Variants in MINAR1 observed in about 807,000 individuals in gnomAD.
MINAR1 encodes major intrinsically disordered Notch2-binding receptor 1.
Under a neutral mutation model 65.1 loss-of-function variants are expected in MINAR1, and 40 were observed. The ratio of observed to expected loss-of-function variants is 0.61; its 90% CI spans 0.48 to 0.80. The LOEUF is 0.80. Among genes scored for constraint, MINAR1 ranks in the 30% least tolerant of loss-of-function variants. The probability of loss-of-function intolerance (pLI) is 0.00; values close to 1 mark genes in which losing one functional copy is unlikely to be tolerated. For synonymous variants in MINAR1, 482 were observed against 449.1 expected (o/e 1.07, Z -0.93); for missense variants, 1,128 against 1,148.0 (o/e 0.98, Z 0.25).
intron 1 of MINAR1, 67 bp from the exon 2 acceptor site, chr15:79,456,031 G>C (rs1429080911): frequency 1.1e-6 from 1 of 924,850 alleles, no homozygotes; most frequent in Admixed American, 2.7e-5. Flanking sequence ...TAAGGAGCTT[G>C]ACTTCAAACT....
At position 79,463,288 on chromosome 15, in the gene MINAR1, C is replaced by A. The variant is rs144425164; in HGVS notation, c.2520C>A (p.Gly840=). Residue 840 remains glycine, a synonymous_variant, in exon 3 of 4, where the codon GGC becomes GGA. Transcript: ENST00000305428. ...WTIEEYARNA[G]DKGKLTALDL... is the part of the protein sequence containing the mutation. ...TTGAGGAGTATGCACGGAATGCGGGCGACAAGGGCAAGCTGACAGCCCTGG... is the reference window on the plus strand; with the variant it reads ...TTGAGGAGTATGCACGGAATGCGGGAGACAAGGGCAAGCTGACAGCCCTGG... 1 of 1,614,114 alleles carries A rather than the reference C, an allele frequency of 6.2e-7. No homozygotes were observed. Among genetic ancestry groups the A allele is most frequent in the South Asian group, 1.1e-5 (1 of 91,080 alleles).
chr15:79,427,995 C>T (rs950153003), upstream of MINAR1, among the ~76,000 whole-genome samples: 12 of 152,152 alleles, frequency 7.9e-5, no homozygotes, highest in Non-Finnish European at 1.8e-4. Context: ...GCCGTTTTGT[C>T]GGCCAGCAAA....
the MINAR1 span, chr15:79,425,858 C>G: frequency 6.6e-6 from 1 of 152,342 alleles, no homozygotes; most frequent in East Asian, 1.9e-4. Flanking sequence ...ACAATAGGCC[C>G]TGTATCCTGC....
Position 79,468,839 on chromosome 15 carries a change from C to T in MINAR1, c.*455C>T, listed in dbSNP as rs1895970626. On this transcript the variant is annotated 3_prime_UTR_variant, in exon 4 of 4. Transcript: ENST00000305428. ...TCTCTTTTCCATAATGTTCTTAGAC[C>T]ATTGCTGGTGAAGTAACAGGGTGTG... is the stretch of plus-strand genomic sequence containing the variant. 5.5e-6 allele frequency: 1 copy of T among 182,738 alleles called. No homozygotes were observed. The highest frequency in any genetic ancestry group is 5.4e-5 in the Admixed American group (1 of 18,598). The allele number at this position is 182,738 out of a possible 1,614,324, so 11.3% of individuals were successfully genotyped here. A position where few individuals can be genotyped will look rare whatever the true frequency, so the allele number is the denominator to read the frequency against.
Position 79,458,197 on chromosome 15 carries a change from T to G in MINAR1, c.2050T>G (p.Ser684Ala). 3 of 1,614,056 alleles carry G rather than the reference T, an allele frequency of 1.9e-6. No homozygotes were observed. The part of the protein sequence containing the change: ...KLENNPDWCC[S>A]DASGSNSESL... Reference sequence around the variant, plus strand: ...AGAGAACAACCCTGACTGGTGCTGCTCTGATGCTAGCGGGAGCAACAGTGA... The same window carrying G: ...AGAGAACAACCCTGACTGGTGCTGCGCTGATGCTAGCGGGAGCAACAGTGA... Residue 684 changes from serine (S) to alanine (A), a missense_variant, in exon 2 of 4, where the codon TCT (serine) becomes GCT (alanine). Coordinates refer to ENST00000305428, the MANE Select transcript of MINAR1 (RefSeq NM_015206.3).
intron 1 of MINAR1, among the ~76,000 whole-genome samples, chr15:79,452,852 GGTGA>G (rs1261370350): frequency 6.8e-6 from 1 of 147,558 alleles, no homozygotes; most frequent in Non-Finnish European, 1.5e-5. Flanking sequence ...TGAGTGTATG[GGTGA>G]GTCTGTGTGA....
the MINAR1 span, chr15:79,424,631 T>C: frequency 1.4e-4 from 22 of 152,360 alleles, no homozygotes; most frequent in African/African-American, 5.1e-4. Context: ...GATGATTCTA[T>C]AAACATGTGC....
At position 79,470,590 on chromosome 15, in the gene MINAR1, C is replaced by A. The variant is rs2141316047; in HGVS notation, c.*2206C>A. 1 of 152,304 alleles carries A rather than the reference C, an allele frequency of 6.6e-6. No homozygotes were observed. The highest frequency in any genetic ancestry group is 2.4e-5 in the African/African-American group (1 of 41,522). The allele number at this position is 152,304 out of a possible 1,614,324, so 9.4% of individuals were successfully genotyped here. On this transcript the variant is annotated 3_prime_UTR_variant, in exon 4 of 4. Coordinates refer to ENST00000305428, the MANE Select transcript of MINAR1 (RefSeq NM_015206.3). Reference sequence around the variant, plus strand: ...TAGTGGACCCCATTTGGGCATGTGCCTAGCTACCTTGGGAAGGCATGACTA... The same window carrying A: ...TAGTGGACCCCATTTGGGCATGTGCATAGCTACCTTGGGAAGGCATGACTA...
chr15:79,431,040 C>CTTTG (rs1469767440), upstream of MINAR1, among the ~76,000 whole-genome samples: 2 of 152,190 alleles, frequency 1.3e-5, no homozygotes, highest in African/African-American at 4.8e-5. Context: ...CTGCGTCCCC[C>CTTTG]CAGGGCCTTT....
At position 79,463,571 on chromosome 15, in the gene MINAR1, G is replaced by A. The variant is rs576118382; in HGVS notation, c.2553+250G>A. 6.4e-4 allele frequency: 415 copies of A among 652,714 alleles called. 1 individual carries two copies. The highest frequency in any genetic ancestry group is 1.0e-3 in the South Asian group (66 of 63,140). 40.4% of individuals were successfully genotyped at this position (652,714 alleles called of 1,614,324 possible). On this transcript the variant is annotated intron_variant, in intron 3 of 3. Coordinates refer to ENST00000305428, the MANE Select transcript of MINAR1 (RefSeq NM_015206.3). ...TTGATTGATTTATGTATTTTTTATCGGCCATCTGATTTGCTAACAATGCAT... is the reference window on the plus strand; with the variant it reads ...TTGATTGATTTATGTATTTTTTATCAGCCATCTGATTTGCTAACAATGCAT...
At chr15:79,453,929 G>T in intron 1 of MINAR1, among the ~76,000 whole-genome samples, 1 of 152,176 alleles carries the variant, frequency 6.6e-6, no homozygotes, top group East Asian at 1.9e-4. Flanking sequence ...ACACACATGG[G>T]ATTAGCTTGG....
intron 1 of MINAR1, among the ~76,000 whole-genome samples, chr15:79,440,377 T>C (rs1341766480): frequency 6.6e-6 from 1 of 152,152 alleles, no homozygotes; most frequent in Non-Finnish European, 1.5e-5. Context: ...ATGGGAGAAA[T>C]GGGATGTAAG....
rs77477097 is a variant in MINAR1 at position 79,464,743 on chromosome 15, A to G, written c.2553+1422A>G. Among the ~76,000 whole-genome samples the G allele has an allele frequency of 0.014, 2,082 of 152,198 alleles. 176 individuals carry two copies. The East Asian group carries it at 0.25, about 18-fold the overall frequency. ...TTGTGGGGGCATCAGTAGCAACCCT[A>G]AGCCCTTCCTCACCCCCTTACCTCA... On this transcript the variant is annotated intron_variant, in intron 3 of 3. Coordinates refer to ENST00000305428, the MANE Select transcript of MINAR1 (RefSeq NM_015206.3).
At chr15:79,443,690 G>C (rs574068484) in intron 1 of MINAR1, among the ~76,000 whole-genome samples, 1 of 152,156 alleles carries the variant, frequency 6.6e-6, no homozygotes, top group South Asian at 2.1e-4. Context: ...CATATTAGCT[G>C]TTGTATAATA....
At position 79,457,838 on chromosome 15, in the gene MINAR1, T is replaced by C; in HGVS notation, c.1691T>C (p.Leu564Ser). The C allele has an allele frequency of 6.2e-7, 1 of 1,613,976 alleles. No individual in the cohort carries two copies. The highest frequency in any genetic ancestry group is 1.3e-5 in the African/African-American group (1 of 74,984). The change falls in exon 2 of 4, where the codon TTA becomes TCA. Residue 564 changes from leucine (L) to serine (S), a missense_variant. Transcript: ENST00000305428. ...TGCGACAGTTCCCCTGAGCACAACTTAACCAAAATTGCCAATGGGGTCCCC... is the reference window on the plus strand; with the variant it reads ...TGCGACAGTTCCCCTGAGCACAACTCAACCAAAATTGCCAATGGGGTCCCC... ...SDCDSSPEHN[L>S]TKIANGVPNS... is the part of the protein sequence containing the mutation.
the MINAR1 span, chr15:79,414,329 A>C: frequency 6.6e-6 from 1 of 152,224 alleles, no homozygotes; most frequent in Admixed American, 6.5e-5. Context: ...TCCTCCTACC[A>C]AGCAACCTTC....
upstream of MINAR1, among the ~76,000 whole-genome samples, chr15:79,431,381 C>T (rs1417973163): frequency 6.6e-6 from 1 of 152,134 alleles, no homozygotes; most frequent in Non-Finnish European, 1.5e-5. Context: ...TGCTGTGTTT[C>T]GGCTCCACTC....
chr15:79,463,077 A>G lies in MINAR1; in HGVS notation c.2309A>G (p.Gln770Arg), dbSNP rs759847111. Residue 770 changes from glutamine to arginine, a missense_variant, in exon 3 of 4, where the codon CAG becomes CGG. Transcript: ENST00000305428. Reference protein sequence around the residue: ...WHRKSKEADRQYDIPPQHRLP... With the variant: ...WHRKSKEADRRYDIPPQHRLP... ...TGTGCCCCTCTGCAGGCAGACAGGC[A>G]GTACGACATTCCCCCACAGCACCGA... 6.2e-7 allele frequency: 1 copy of G among 1,612,330 alleles called. No individual in the cohort carries two copies. Among genetic ancestry groups the G allele is most frequent in the Admixed American group, 1.7e-5 (1 of 59,934 alleles).
In MINAR1 at chr15:79,457,500, A is replaced by G; in HGVS notation, c.1353A>G (p.Pro451=). The change falls in exon 2 of 4, where the codon CCA becomes CCG. Residue 451 remains proline, a synonymous_variant. Coordinates refer to ENST00000305428, the MANE Select transcript of MINAR1 (RefSeq NM_015206.3). ...CTGTTGACCTGGAGAAGCATGAACC[A>G]GTCAAAAAGTTTAAAGACAAGAGCA... The part of the protein sequence containing the change: ...SSPVDLEKHE[P]VKKFKDKSIN... 3 of 1,614,218 alleles carry G rather than the reference A, an allele frequency of 1.9e-6. No individual in the cohort carries two copies. Among genetic ancestry groups the G allele is most frequent in the Non-Finnish European group, 2.5e-6 (3 of 1,180,038 alleles).
Sources: allele counts gnomAD v4.1 joint callset (sites outside exome capture counted in the v4.1 genomes callset), GRCh38; gene constraint gnomAD v4.1.1; transcripts MANE v1.5; gene names NCBI Gene and HGNC (gene_info 2026-07-23, HGNC 2026-07-21).